The following A4GALT variants were observed in gnomAD, a reference collection of about 807,000 sequenced individuals.
A4GALT encodes lactosylceramide 4-alpha-galactosyltransferase.
For synonymous variants in A4GALT, 257 were observed against 220.7 expected, an observed-to-expected ratio of 1.16 and a Z score of -1.46; for missense variants, 512 against 486.0, an observed-to-expected ratio of 1.05 and a Z score of -0.50.
chr22:42,706,158 A>T (rs1921085976), intron 1 of A4GALT, among the ~76,000 whole-genome samples: 1 of 72,738 alleles, frequency 1.4e-5, no homozygotes, highest in African/African-American at 3.4e-5. Flanking sequence ...GATCGAGACC[A>T]TCCTGGCTAA....
chr22:42,703,100 GCCCCAC>G (rs1225991748), intron 1 of A4GALT, among the ~76,000 whole-genome samples: 3 of 114,850 alleles, frequency 2.6e-5, no homozygotes, highest in African/African-American at 1.0e-4. Context: ...AGAGCATGCT[GCCCCAC>G]TGTGTGTGTG....
rs532512858 is a variant in A4GALT at position 42,704,211 on chromosome 22, A to G, written c.-187-8580T>C. Among the ~76,000 whole-genome samples the G allele has an allele frequency of 4.0e-3, 609 of 152,262 alleles. 4 individuals are homozygous for G. Among genetic ancestry groups the G allele is most frequent in the African/African-American group, 0.014 (583 of 41,558 alleles). On this transcript the variant is annotated intron_variant, in intron 1 of 2. Coordinates refer to ENST00000642412, the MANE Select transcript of A4GALT (RefSeq NM_017436.7). ...AGAAGGACTGTTTGTGCCCAGGCGC[A>G]GTGGCTCATGCTTGTAATCCCAGCA...
chr22:42,693,726 G>A lies in A4GALT; in HGVS notation c.226C>T (p.Pro76Ser). ...GTCTCCAGGAAGAAGATGTTGCCTG[G>A]AGTGGGGCCGTGGGAGGGTGGGGTG... is the stretch of plus-strand genomic sequence containing the variant. ...PPTPPSHGPT[P>S]GNIFFLETSD... is the part of the protein sequence containing the mutation. Residue 76 changes from proline (P) to serine (S), a missense_variant, in exon 3 of 3, where the codon CCA becomes TCA. Coordinates refer to ENST00000642412, the MANE Select transcript of A4GALT (RefSeq NM_017436.7). The A allele has an allele frequency of 6.8e-7, 1 of 1,474,616 alleles. No individual in the cohort carries two copies. The allele number at this position is 1,474,616 out of a possible 1,614,324, so 91.3% of individuals were successfully genotyped here.
At chr22:42,696,800 C>G (rs1469334410) in intron 1 of A4GALT, among the ~76,000 whole-genome samples, 2 of 151,736 alleles carry the variant, frequency 1.3e-5, no homozygotes. Flanking sequence ...CTCTCCCCGC[C>G]ACCTGTGCCC....
chr22:42,713,314 C>G (rs1475644075), intron 1 of A4GALT, among the ~76,000 whole-genome samples: 1 of 152,176 alleles, frequency 6.6e-6, no homozygotes, highest in Non-Finnish European at 1.5e-5. Flanking sequence ...TGCTCAACCT[C>G]GTGCAAGAAG....
At chr22:42,701,962 T>C (rs917765986) in intron 1 of A4GALT, among the ~76,000 whole-genome samples, 1 of 152,176 alleles carries the variant, frequency 6.6e-6, no homozygotes, top group Non-Finnish European at 1.5e-5. Context: ...CAGAAGTCAA[T>C]GACGGAACCT....
intron 1 of A4GALT, among the ~76,000 whole-genome samples, chr22:42,719,694 G>A (rs1006025463): frequency 1.3e-5 from 2 of 152,126 alleles, no homozygotes; most frequent in Non-Finnish European, 2.9e-5. Flanking sequence ...GGGACCCTGG[G>A]CAGGGTGGCT....
At chr22:42,697,740 G>A (rs1230035903) in intron 1 of A4GALT, among the ~76,000 whole-genome samples, 4 of 151,820 alleles carry the variant, frequency 2.6e-5, no homozygotes, top group Non-Finnish European at 4.4e-5. Context: ...GACGGGCCTC[G>A]CAGTTGCAGC....
chr22:42,703,630 G>A (rs944801125), intron 1 of A4GALT, among the ~76,000 whole-genome samples: 1 of 152,100 alleles, frequency 6.6e-6, no homozygotes, highest in South Asian at 2.1e-4. Flanking sequence ...CAGTGATGTC[G>A]GGAAGATGAC....
chr22:42,705,060 G>C (rs894545583), intron 1 of A4GALT, among the ~76,000 whole-genome samples: 21 of 152,146 alleles, frequency 1.4e-4, no homozygotes, highest in Non-Finnish European at 2.5e-4. Flanking sequence ...AGTGGATGCA[G>C]AGAAAGGCCA....
chr22:42,712,140 C>T lies in A4GALT; in HGVS notation c.-188+8657G>A, dbSNP rs567159875. The stretch of plus-strand genomic sequence containing the variant: ...CCTGACTACTTGCCAGTCCCAAGAG[C>T]GCCTTTCTTCCTTCCCTGAGGCCAC... On this transcript the variant is annotated intron_variant, in intron 1 of 2. Transcript: ENST00000642412. Among the ~76,000 whole-genome samples, 6 of 152,290 alleles carry T rather than the reference C, an allele frequency of 3.9e-5. No homozygotes were observed. The East Asian group carries it at 5.8e-4, about 15-fold the overall frequency.
intron 1 of A4GALT, among the ~76,000 whole-genome samples, chr22:42,715,644 G>T (rs575253573): frequency 6.6e-6 from 1 of 152,058 alleles, no homozygotes; most frequent in Admixed American, 6.6e-5. Context: ...AGCCCAGGAG[G>T]TTGAGGCTGT....
chr22:42,717,035 C>A (rs1018916739), intron 1 of A4GALT, among the ~76,000 whole-genome samples: 2 of 152,022 alleles, frequency 1.3e-5, no homozygotes, highest in Non-Finnish European at 2.9e-5. Flanking sequence ...GGTGACAGTG[C>A]GGGCACAGGG....
At position 42,693,756 on chromosome 22, in the gene A4GALT, G is replaced by GT; in HGVS notation, c.195dup (p.Pro66ThrfsTer217). 1.2e-6 allele frequency: 2 copies of GT among 1,606,256 alleles called. No individual in the cohort carries two copies. Among genetic ancestry groups the GT allele is most frequent in the Non-Finnish European group, 1.7e-6 (2 of 1,176,588 alleles). On this transcript the variant is annotated frameshift_variant, in exon 3 of 3. Transcript: ENST00000642412. LOFTEE classifies it low-confidence loss of function (END_TRUNC). Reference sequence around the variant, plus strand: ...GGGCCGTGGGAGGGTGGGGTGGGGGGTGTCAAGGTGGGGCAGGGGATCTCT... The same window carrying GT: ...GGGCCGTGGGAGGGTGGGGTGGGGGGTTGTCAAGGTGGGGCAGGGGATCTCT...
chr22:42,715,766 C>A (rs9607928), intron 1 of A4GALT, among the ~76,000 whole-genome samples: 20,508 of 151,486 alleles, frequency 0.14, 1,568 homozygotes, highest in African/African-American at 0.21. Context: ...AATCCACCCC[C>A]TTCAGCCTCC....
intron 1 of A4GALT, among the ~76,000 whole-genome samples, chr22:42,700,956 G>A (rs960737189): frequency 6.6e-6 from 1 of 152,184 alleles, no homozygotes; most frequent in Non-Finnish European, 1.5e-5. Context: ...CAGCCAGGAC[G>A]TAGCATGCTC....
chr22:42,695,983 C>T (rs562919739), intron 1 of A4GALT, among the ~76,000 whole-genome samples: 2 of 151,944 alleles, frequency 1.3e-5, no homozygotes, highest in East Asian at 3.9e-4. Context: ...ATTAGCCAGG[C>T]GCGGTGGTGT....
chr22:42,699,297 C>G (rs1931146464), intron 1 of A4GALT, among the ~76,000 whole-genome samples: 1 of 152,120 alleles, frequency 6.6e-6, no homozygotes, highest in African/African-American at 2.4e-5. Flanking sequence ...GTTTGCCAAG[C>G]TAGTCTTGAA....
chr22:42,695,999 T>C lies in A4GALT; in HGVS notation c.-187-368A>G, dbSNP rs1930897977. Reference sequence around the variant, plus strand: ...TTAGCCAGGCGCGGTGGTGTGCGCCTGTAATCCCAGCTACTCAGGTGACTG... The same window carrying C: ...TTAGCCAGGCGCGGTGGTGTGCGCCCGTAATCCCAGCTACTCAGGTGACTG... On this transcript the variant is annotated intron_variant, in intron 1 of 2. Coordinates refer to ENST00000642412, the MANE Select transcript of A4GALT (RefSeq NM_017436.7). Among the ~76,000 whole-genome samples the C allele has an allele frequency of 2.6e-5, 4 of 151,574 alleles. No homozygotes were observed. The South Asian group carries it at 8.3e-4, about 32-fold the overall frequency.
Sources: allele counts gnomAD v4.1 joint callset (sites outside exome capture counted in the v4.1 genomes callset), GRCh38; gene constraint gnomAD v4.1.1; transcripts MANE v1.5; gene names NCBI Gene and HGNC (gene_info 2026-07-23, HGNC 2026-07-21).